Variants in DGKI observed in about 807,000 individuals in gnomAD.
DGKI encodes the protein DAG kinase iota.
In DGKI, 55 loss-of-function variants were observed where a neutral mutation model predicts 147.5. The observed-to-expected ratio is 0.37, with a 90% confidence interval of 0.30 to 0.47. The LOEUF (loss-of-function observed/expected upper bound fraction) is 0.47, where lower values mean the gene tolerates loss of function less well. DGKI is among the 20% of genes least tolerant of loss of function. The pLI is 1.00. For synonymous variants in DGKI, 469 were observed against 477.1 expected (o/e 0.98, Z 0.22); for missense variants, 1,007 against 1,323.8 (o/e 0.76, Z 3.71).
At chr7:137,687,400 T>C (rs1409901929) in intron 2 of DGKI, among the ~76,000 whole-genome samples, 1 of 152,142 alleles carries the variant, frequency 6.6e-6, no homozygotes, top group African/African-American at 2.4e-5. Flanking sequence ...AAGAGTAGAC[T>C]AATGGTAGAA....
intron 1 of DGKI, among the ~76,000 whole-genome samples, chr7:137,796,201 A>C (rs952018980): frequency 2.6e-5 from 4 of 152,206 alleles, no homozygotes; most frequent in Non-Finnish European, 5.9e-5. Flanking sequence ...CAAAGTTTTA[A>C]ATAAAAAGCT....
intron 2 of DGKI, among the ~76,000 whole-genome samples, chr7:137,680,792 G>T (rs942052950): frequency 2.1e-5 from 3 of 142,370 alleles, no homozygotes; most frequent in African/African-American, 7.7e-5. Context: ...AAAGAAAAGA[G>T]AAAAAAAAAA....
chr7:137,516,512 G>A (rs537657484), intron 21 of DGKI, among the ~76,000 whole-genome samples: 15 of 151,874 alleles, frequency 9.9e-5, no homozygotes, highest in Admixed American at 7.2e-4. Context: ...AATAGGTACA[G>A]AATGTTTCCA....
At position 137,408,553 on chromosome 7, in the gene DGKI, C is replaced by T. The variant is rs115056864; in HGVS notation, c.2800-558G>A. 3.5e-3 allele frequency among the ~76,000 whole-genome samples: 527 copies of T among 152,256 alleles called. 5 individuals carry two copies. The highest frequency in any genetic ancestry group is 0.011 in the African/African-American group (442 of 41,564). Reference sequence around the variant, plus strand: ...ACACGCATGCATGCATGCACACACACGAACACACATCTGGCTTCCTTCTTC... The same window carrying T: ...ACACGCATGCATGCATGCACACACATGAACACACATCTGGCTTCCTTCTTC... On this transcript the variant is annotated intron_variant, in intron 29 of 32. Transcript: ENST00000614521.
chr7:137,517,250 GAAAA>G (rs1348794179), intron 21 of DGKI, among the ~76,000 whole-genome samples: 2 of 80,184 alleles, frequency 2.5e-5, no homozygotes, highest in Admixed American at 1.4e-4. Flanking sequence ...AGAAAGAAAA[GAAAA>G]AGAAAGAAAG....
At chr7:137,526,958 C>T (rs1206396712) in intron 20 of DGKI, among the ~76,000 whole-genome samples, 1 of 152,140 alleles carries the variant, frequency 6.6e-6, no homozygotes, top group Non-Finnish European at 1.5e-5. Context: ...TCCAGGGTCA[C>T]TTTTAAACCA....
intron 21 of DGKI, among the ~76,000 whole-genome samples, chr7:137,519,734 G>T (rs1245898898): frequency 6.6e-6 from 1 of 152,014 alleles, no homozygotes. Flanking sequence ...AAAGAGTAAA[G>T]GTTAGTAGGA....
chr7:137,804,099 C>T (rs1797293550), intron 1 of DGKI, among the ~76,000 whole-genome samples: 1 of 152,172 alleles, frequency 6.6e-6, no homozygotes, highest in African/African-American at 2.4e-5. Context: ...ATTCTCTCTT[C>T]ACATCTCCAG....
At chr7:137,419,665 G>A (rs1812486164) in intron 28 of DGKI, among the ~76,000 whole-genome samples, 1 of 152,138 alleles carries the variant, frequency 6.6e-6, no homozygotes, top group African/African-American at 2.4e-5. Flanking sequence ...CAAGAAAAAT[G>A]ACTGTAATTA....
At chr7:137,597,937 A>G (rs1213384526) in intron 11 of DGKI, 30 bp from the exon 12 acceptor site, 1 of 1,602,138 alleles carries the variant, frequency 6.2e-7, no homozygotes, top group East Asian at 2.2e-5. Flanking sequence ...AAAAGTAAAC[A>G]AAAGAACATT....
chr7:137,512,680 T>C (rs900305041), intron 21 of DGKI, among the ~76,000 whole-genome samples: 5 of 152,170 alleles, frequency 3.3e-5, no homozygotes, highest in Non-Finnish European at 7.3e-5. Flanking sequence ...AAGGCTAAGT[T>C]TTAACAGTGA....
At chr7:137,422,514 G>A (rs1247350801) in intron 28 of DGKI, among the ~76,000 whole-genome samples, 6 of 150,394 alleles carry the variant, frequency 4.0e-5, no homozygotes, top group Admixed American at 2.6e-4. Context: ...TCCTATTTAC[G>A]GTTTTGTTAG....
At chr7:137,695,245 C>G (rs1031392458) in intron 1 of DGKI, among the ~76,000 whole-genome samples, 9 of 152,174 alleles carry the variant, frequency 5.9e-5, no homozygotes. Context: ...GATGTGCAAA[C>G]ATCTGACTAC....
Position 137,554,270 on chromosome 7 carries a change from C to G in DGKI, c.1948-1702G>C, listed in dbSNP as rs1818146337. On this transcript the variant is annotated intron_variant, in intron 19 of 32. Coordinates refer to ENST00000614521, the MANE Select transcript of DGKI (RefSeq NM_001321708.2). Reference sequence around the variant, plus strand: ...TTTTAAAACTTATTAGAAATACATACTTTTCATGTCTCAGATTGGTCTAGG... The same window carrying G: ...TTTTAAAACTTATTAGAAATACATAGTTTTCATGTCTCAGATTGGTCTAGG... Among the ~76,000 whole-genome samples, 3 of 152,152 alleles carry G rather than the reference C, an allele frequency of 2.0e-5. No individual in the cohort carries two copies. The South Asian group carries it at 6.2e-4, about 32-fold the overall frequency.
chr7:137,546,778 A>G (rs955199041), intron 20 of DGKI, among the ~76,000 whole-genome samples: 1 of 152,244 alleles, frequency 6.6e-6, no homozygotes, highest in African/African-American at 2.4e-5. Flanking sequence ...ACCTAGTTCC[A>G]CGGATCTCTC....
At chr7:137,796,769 A>G (rs1797045594) in intron 1 of DGKI, among the ~76,000 whole-genome samples, 1 of 152,210 alleles carries the variant, frequency 6.6e-6, no homozygotes, top group Admixed American at 6.5e-5. Context: ...CCAGTTTGAG[A>G]AACAGAAAAG....
At chr7:137,478,996 C>A (rs1268945316) in intron 23 of DGKI, among the ~76,000 whole-genome samples, 1 of 152,166 alleles carries the variant, frequency 6.6e-6, no homozygotes, top group East Asian at 1.9e-4. Flanking sequence ...GCTATATTTC[C>A]CTGAGCTGTG....
chr7:137,607,947 A>G (rs1387945691), intron 10 of DGKI, among the ~76,000 whole-genome samples: 1 of 152,206 alleles, frequency 6.6e-6, no homozygotes, highest in Non-Finnish European at 1.5e-5. Flanking sequence ...AGTTTTTGAG[A>G]ATTTTGAAGG....
intron 19 of DGKI, among the ~76,000 whole-genome samples, chr7:137,553,489 C>T (rs1383552901): frequency 6.6e-6 from 1 of 151,918 alleles, no homozygotes; most frequent in Non-Finnish European, 1.5e-5. Flanking sequence ...AATGGAGTTT[C>T]AAGACAATAT....
Sources: allele counts gnomAD v4.1 joint callset (sites outside exome capture counted in the v4.1 genomes callset), GRCh38; gene constraint gnomAD v4.1.1; transcripts MANE v1.5; gene names NCBI Gene and HGNC (gene_info 2026-07-23, HGNC 2026-07-21).